The following TBC1D24 variants were observed in gnomAD, a reference collection of about 807,000 sequenced individuals.
TBC1D24 encodes the protein Infantile myoclonic epilepsy.
A neutral mutation model predicts 50.7 loss-of-function variants in TBC1D24; 47 were observed. The observed-to-expected ratio is 0.93, with a 90% confidence interval of 0.73 to 1.18. The LOEUF is 1.18. Among genes scored for constraint, TBC1D24 ranks in the 50% most tolerant of loss-of-function variants. TBC1D24 has a pLI of 0.00. For synonymous variants in TBC1D24, 324 were observed against 335.2 expected, an observed-to-expected ratio of 0.97 and a Z score of 0.36; for missense variants, 688 against 766.5, an observed-to-expected ratio of 0.90 and a Z score of 1.21.
rs1303193316 is a variant in TBC1D24 at position 2,499,346 on chromosome 16, C to G, written c.1143-11C>G. 1 of 1,611,716 alleles carries G rather than the reference C, an allele frequency of 6.2e-7. No individual in the cohort carries two copies. The highest frequency in any genetic ancestry group is 1.1e-5 in the South Asian group (1 of 90,614). On this transcript the variant is annotated splice_polypyrimidine_tract_variant and intron_variant, in intron 4 of 7. Coordinates refer to ENST00000646147, the MANE Select transcript of TBC1D24 (RefSeq NM_001199107.2). The surrounding 1 kb of genome is among the most constrained non-coding windows in gnomAD (Gnocchi z 4.0). ...GCAGGGTGACAGCTGGCATGCGTGT[C>G]TCTACGCCAGGTTCTACTTCCAGTG... is the stretch of plus-strand genomic sequence containing the variant.
chr16:2,501,240 A>T lies in TBC1D24; in HGVS notation c.*282A>T, dbSNP rs1186342671. 2 of 514,096 alleles carry T rather than the reference A, an allele frequency of 3.9e-6. No homozygotes were observed. Among genetic ancestry groups the T allele is most frequent in the Non-Finnish European group, 7.1e-6 (2 of 282,448 alleles). The allele number at this position is 514,096 out of a possible 1,614,324, so 31.8% of individuals were successfully genotyped here. On this transcript the variant is annotated 3_prime_UTR_variant, in exon 8 of 8. Transcript: ENST00000646147. ...TAGGAAGTACCTTCCTCCTCCGTGG[A>T]GGCTTCCATAGCCCAAGGCCTTGGG...
intron 1 of TBC1D24, among the ~76,000 whole-genome samples, chr16:2,495,436 A>T (rs2065728858): frequency 6.6e-6 from 1 of 152,204 alleles, no homozygotes. Context: ...GCTTGAGCCC[A>T]GGAGTTCAAG....
In TBC1D24 at chr16:2,487,295, A is replaced by C. The variant is rs1330934794; in HGVS notation, c.-115-8739A>C. On this transcript the variant is annotated intron_variant, in intron 1 of 7. Transcript: ENST00000646147. This position sits in a 1 kb window ranked among gnomAD's most constrained non-coding sequence, Gnocchi z 4.1. Reference sequence around the variant, plus strand: ...TTCTCTCAAGCCGCCTCTCCCTGGCACAGAGGCGGCACCTCAGTGGAGGTC... The same window carrying C: ...TTCTCTCAAGCCGCCTCTCCCTGGCCCAGAGGCGGCACCTCAGTGGAGGTC... 6.6e-6 allele frequency among the ~76,000 whole-genome samples: 1 copy of C among 152,178 alleles called. No individual in the cohort carries two copies. The highest frequency in any genetic ancestry group is 1.9e-4 in the East Asian group (1 of 5,188).
rs200305997 is a variant in TBC1D24, at chr16:2,495,883, G to A, written c.-115-151G>A. ...AAGCCATTCAAGGCTGCAGAGAGCA[G>A]GGTCACGCCACTGCACCGCACTCCA... is the stretch of plus-strand genomic sequence containing the variant. On this transcript the variant is annotated intron_variant, in intron 1 of 7. Transcript: ENST00000646147. The A allele has an allele frequency of 1.1e-5, 5 of 446,406 alleles. No homozygotes were observed. In the East Asian group the frequency reaches 2.2e-4, roughly 20 times the overall value. The allele number at this position is 446,406 out of a possible 1,614,324, so 27.7% of individuals were successfully genotyped here. A position where few individuals can be genotyped will look rare whatever the true frequency, so the allele number is the denominator to read the frequency against.
Position 2,487,297 on chromosome 16 carries a change from A to G in TBC1D24, c.-115-8737A>G, listed in dbSNP as rs2065658324. On this transcript the variant is annotated intron_variant, in intron 1 of 7. Transcript: ENST00000646147. This position sits in a 1 kb window ranked among gnomAD's most constrained non-coding sequence, Gnocchi z 4.1. ...CTCTCAAGCCGCCTCTCCCTGGCAC[A>G]GAGGCGGCACCTCAGTGGAGGTCTG... Among the ~76,000 whole-genome samples, 1 of 152,198 alleles carries G rather than the reference A, an allele frequency of 6.6e-6. No individual in the cohort carries two copies. Among genetic ancestry groups the G allele is most frequent in the Non-Finnish European group, 1.5e-5 (1 of 68,024 alleles).
At chr16:2,477,996 C>G (rs942641097) in intron 1 of TBC1D24, 1 of 152,318 alleles carries the variant, frequency 6.6e-6, no homozygotes, top group African/African-American at 2.4e-5. Context: ...TGGGAAAAGC[C>G]TTGAGTTCCA....
At chr16:2,495,411 C>T (rs997216489) in intron 1 of TBC1D24, among the ~76,000 whole-genome samples, 1 of 152,094 alleles carries the variant, frequency 6.6e-6, no homozygotes, top group African/African-American at 2.4e-5. Flanking sequence ...TTTGGGAGGC[C>T]AAGACAGGAG....
rs2065829380 is a variant in TBC1D24, at chr16:2,505,695, AATTT to A, written c.*4738_*4741del. The A allele has an allele frequency of 1.3e-5, 2 of 152,208 alleles. No homozygotes were observed. The highest frequency in any genetic ancestry group is 2.9e-5 in the Non-Finnish European group (2 of 68,036). 9.4% of individuals were successfully genotyped at this position (152,208 alleles called of 1,614,324 possible). A position where few individuals can be genotyped will look rare whatever the true frequency, so the allele number is the denominator to read the frequency against. On this transcript the variant is annotated 3_prime_UTR_variant, in exon 8 of 8. Transcript: ENST00000646147. The stretch of plus-strand genomic sequence containing the variant: ...GTTAGTGATATGTTTGGTTGGTGTT[AATTT>A]GAGTCCTAAATAAAATCGAGAACTG...
intron 1 of TBC1D24, chr16:2,484,950 C>T (rs2065637834): frequency 6.6e-6 from 1 of 152,448 alleles, no homozygotes; most frequent in African/African-American, 2.4e-5. Flanking sequence ...TCATCCCCTC[C>T]CTGGGGCTGA....
chr16:2,484,782 GATTT>G (rs1458762102), intron 1 of TBC1D24: 3 of 152,304 alleles, frequency 2.0e-5, no homozygotes, highest in African/African-American at 4.8e-5. Flanking sequence ...CTCTGCCTGG[GATTT>G]ATTTGTGTCT....
chr16:2,490,492 G>T (rs1387950946), intron 1 of TBC1D24, among the ~76,000 whole-genome samples: 6 of 152,194 alleles, frequency 3.9e-5, no homozygotes, highest in African/African-American at 4.8e-5. Context: ...CCCACAGGAG[G>T]CACCCTCACA....
At position 2,499,916 on chromosome 16, in the gene TBC1D24, T is replaced by C. The variant is rs863224932; in HGVS notation, c.1288T>C (p.Cys430Arg). ...GKLGFFGTGE[C>R]FVFRLQPEVQ... ...ACTGGGCTTCTTTGGGACCGGAGAA[T>C]GCTTTGTGTTTAGGGTGAGTGGGGC... Residue 430 changes from cysteine (C) to arginine (R), a missense_variant, in exon 6 of 8, where the codon TGC becomes CGC. Transcript: ENST00000646147. This position sits in a 1 kb window ranked among gnomAD's most constrained non-coding sequence, Gnocchi z 4.0. 1 of 1,613,842 alleles carries C rather than the reference T, an allele frequency of 6.2e-7. No individual in the cohort carries two copies. The highest frequency in any genetic ancestry group is 1.7e-5 in the Admixed American group (1 of 59,990).
intron 3 of TBC1D24, 78 bp from the exon 4 acceptor site, chr16:2,498,160 G>A (rs982813038): frequency 6.6e-7 from 1 of 1,524,544 alleles, no homozygotes; most frequent in African/African-American, 1.4e-5. Flanking sequence ...TTCCAAAGAG[G>A]CTCTGGGGCA....
intron 1 of TBC1D24, among the ~76,000 whole-genome samples, chr16:2,493,325 G>A (rs2065711814): frequency 6.6e-6 from 1 of 151,804 alleles, no homozygotes; most frequent in Admixed American, 6.6e-5. Context: ...ATTTTTAGTA[G>A]AGACAGGGTT....
At chr16:2,495,384 G>A (rs965441758) in intron 1 of TBC1D24, among the ~76,000 whole-genome samples, 1 of 152,180 alleles carries the variant, frequency 6.6e-6, no homozygotes, top group African/African-American at 2.4e-5. Context: ...AGTGGCTCAT[G>A]CCTGTAATCC....
rs565087939 is a variant in TBC1D24, at chr16:2,496,563, G to A, written c.415G>A (p.Ala139Thr). 6 of 1,608,794 alleles carry A rather than the reference G, an allele frequency of 3.7e-6. No homozygotes were observed. Among genetic ancestry groups the A allele is most frequent in the East Asian group, 4.5e-5 (2 of 44,868 alleles). Residue 139 changes from alanine to threonine, a missense_variant, in exon 2 of 8, where the codon GCC becomes ACC. By Grantham distance (58) the Ala-to-Thr change is moderately conservative. Coordinates refer to ENST00000646147, the MANE Select transcript of TBC1D24 (RefSeq NM_001199107.2). ...CTGCCCCGCCCTGCCGGCCGTGGTGGCCCTGCTGCTGCACTACAGCATCGA... is the reference window on the plus strand; with the variant it reads ...CTGCCCCGCCCTGCCGGCCGTGGTGACCCTGCTGCTGCACTACAGCATCGA... The part of the protein sequence containing the change: ...SFCPALPAVV[A>T]LLLHYSIDEA...
In TBC1D24 at chr16:2,483,754, C is replaced by A; in HGVS notation, c.-116+8584C>A. Reference sequence around the variant, plus strand: ...GGGGAGAGCCCGGCTGCTGCTCGGCCCAGAGGAGGAAGGGTACGTTCGGGA... The same window carrying A: ...GGGGAGAGCCCGGCTGCTGCTCGGCACAGAGGAGGAAGGGTACGTTCGGGA... On this transcript the variant is annotated intron_variant, in intron 1 of 7. Transcript: ENST00000646147. The surrounding 1 kb of genome is among the most constrained non-coding windows in gnomAD (Gnocchi z 4.0). 1 of 152,966 alleles carries A rather than the reference C, an allele frequency of 6.5e-6. No homozygotes were observed. Among genetic ancestry groups the A allele is most frequent in the Non-Finnish European group, 1.5e-5 (1 of 68,578 alleles). The allele number at this position is 152,966 out of a possible 1,614,324, so 9.5% of individuals were successfully genotyped here.
At chr16:2,491,312 G>A (rs1596963320) in intron 1 of TBC1D24, among the ~76,000 whole-genome samples, 1 of 151,956 alleles carries the variant, frequency 6.6e-6, no homozygotes, top group East Asian at 1.9e-4. Context: ...CGTAATGAAA[G>A]ACTTTTTTTT....
intron 1 of TBC1D24, among the ~76,000 whole-genome samples, chr16:2,488,887 C>T (rs1423067302): frequency 8.4e-5 from 12 of 142,912 alleles, no homozygotes; most frequent in Non-Finnish European, 7.6e-5. Flanking sequence ...GGTGAAACCC[C>T]GTCTCTACTA....
Sources: gnomAD v4.1 joint callset for allele counts (sites outside exome capture counted in the v4.1 genomes callset) on GRCh38, gnomAD v4.1.1 for gene constraint, Gnocchi (gnomAD v3.1) non-coding constraint, MANE v1.5 for transcripts, NCBI Gene and HGNC (gene_info 2026-07-23, HGNC 2026-07-21) for gene names.